The following LRBA variants were observed in gnomAD, a reference collection of about 807,000 sequenced individuals.
LRBA encodes the protein LPS responsive beige-like anchor protein.
Under a neutral mutation model 330.0 loss-of-function variants are expected in LRBA, and 176 were observed. The ratio of observed to expected loss-of-function variants is 0.53; its 90% CI spans 0.47 to 0.60. The LOEUF (loss-of-function observed/expected upper bound fraction) is 0.60, where lower values mean the gene tolerates loss of function less well. LRBA is among the 20% of genes least tolerant of loss of function. The pLI, the probability that LRBA is intolerant of heterozygous loss-of-function variation, is 0.00. For missense variants in LRBA, 3,259 were observed against 3,444.8 expected (o/e 0.95, Z 1.35); for synonymous variants, 1,230 against 1,193.0 (o/e 1.03, Z -0.64).
chr4:150,346,849 A>T (rs1736429587), intron 48 of LRBA, among the ~76,000 whole-genome samples: 1 of 151,884 alleles, frequency 6.6e-6, no homozygotes. Context: ...TAATCCAGAA[A>T]TTCCATTTCT....
intron 2 of LRBA, among the ~76,000 whole-genome samples, chr4:150,991,830 G>A (rs1742121366): frequency 6.6e-6 from 1 of 152,152 alleles, no homozygotes. Context: ...TGACTTTTAA[G>A]ATGACAAAGA....
Position 150,863,076 on chromosome 4 carries a change from C to T in LRBA, c.2766+4595G>A, listed in dbSNP as rs562719935. Among the ~76,000 whole-genome samples the T allele has an allele frequency of 9.9e-5, 15 of 152,098 alleles. 1 individual carries two copies. The South Asian group carries it at 3.1e-3, about 32-fold the overall frequency. Reference sequence around the variant, plus strand: ...ACTTTCAGAGGCCCAGGCGGGGGGCCACTTGAGTCCAGGAGTTGAAGACCA... The same window carrying T: ...ACTTTCAGAGGCCCAGGCGGGGGGCTACTTGAGTCCAGGAGTTGAAGACCA... On this transcript the variant is annotated intron_variant, in intron 22 of 56. Coordinates refer to ENST00000651943, the MANE Select transcript of LRBA (RefSeq NM_001364905.1).
rs781042346 is a variant in LRBA at position 150,831,834 on chromosome 4, T to C, written c.4712A>G (p.Glu1571Gly). Residue 1571 changes from glutamate (E) to glycine (G), a missense_variant, in exon 29 of 57, where the codon GAG becomes GGG. By Grantham distance (98) the Glu-to-Gly change is moderately conservative. Coordinates refer to ENST00000651943, the MANE Select transcript of LRBA (RefSeq NM_001364905.1). ...QSCTETGSEN[E>G]NVSLSEITPA... ...AAACTTACCAGAGAGTGATACATTC[T>C]CATTTTCACTGCCAGTTTCTGTACA... The C allele has an allele frequency of 1.3e-6, 2 of 1,597,798 alleles. No individual in the cohort carries two copies. The highest frequency in any genetic ancestry group is 2.3e-5 in the South Asian group (2 of 86,840).
At chr4:150,622,659 G>A (rs996755823) in intron 37 of LRBA, among the ~76,000 whole-genome samples, 1 of 151,078 alleles carries the variant, frequency 6.6e-6, no homozygotes, top group Non-Finnish European at 1.5e-5. Flanking sequence ...TGGAAACGGT[G>A]GGTGAAGACA....
chr4:150,457,980 TG>T (rs1754298842), intron 44 of LRBA, among the ~76,000 whole-genome samples: 1 of 152,012 alleles, frequency 6.6e-6, no homozygotes. Flanking sequence ...TGCTGGTATA[TG>T]TCAGGATTAT....
chr4:150,760,941 G>T (rs1019781897), intron 35 of LRBA, among the ~76,000 whole-genome samples: 1 of 152,144 alleles, frequency 6.6e-6, no homozygotes, highest in African/African-American at 2.4e-5. Context: ...GAGAGATAGA[G>T]AGCAAACCTT....
chr4:150,423,642 T>C, intron 46 of LRBA: 1 of 279,032 alleles, frequency 3.6e-6, no homozygotes, highest in South Asian at 4.1e-5. Context: ...CCTTCTGGCA[T>C]CCCAGCTCCG....
Position 150,906,363 on chromosome 4 carries a change from T to A in LRBA, c.1536A>T (p.Ser512=). 6.2e-7 allele frequency: 1 copy of A among 1,612,554 alleles called. No homozygotes were observed. The highest frequency in any genetic ancestry group is 8.5e-7 in the Non-Finnish European group (1 of 1,178,860). The change falls in exon 12 of 57, where the codon TCA becomes TCT. Residue 512 remains serine, a synonymous_variant. Transcript: ENST00000651943. ...CAAGCATCTGTTCCTGCATAGCAAT[T>A]GAGTTCTTCAACAATTCCATGATAA... ...LAFIMELLKN[S]IAMQEQMLAC...
At chr4:150,526,433 G>A (rs1429600716) in intron 40 of LRBA, among the ~76,000 whole-genome samples, 1 of 152,226 alleles carries the variant, frequency 6.6e-6, no homozygotes, top group Non-Finnish European at 1.5e-5. Flanking sequence ...TGCAGTTACA[G>A]ATTGTAAAAA....
rs146801600 is a variant in LRBA at position 150,947,668 on chromosome 4, G to A, written c.217-18603C>T. ...CACTACTTTTATTCAAATTAGTGCT[G>A]AAAGTTCCAGCCATGGCAATTCAGC... On this transcript the variant is annotated intron_variant, in intron 2 of 56. Coordinates refer to ENST00000651943, the MANE Select transcript of LRBA (RefSeq NM_001364905.1). Among the ~76,000 whole-genome samples the A allele has an allele frequency of 5.8e-4, 88 of 152,164 alleles. 1 individual carries two copies. The East Asian group carries it at 0.013, about 22-fold the overall frequency.
intron 2 of LRBA, among the ~76,000 whole-genome samples, chr4:151,010,157 G>C (rs1476488650): frequency 2.0e-5 from 3 of 151,904 alleles, no homozygotes; most frequent in Admixed American, 2.0e-4. Flanking sequence ...ACATATCAAG[G>C]GGTGACTGTA....
chr4:150,806,453 A>AC, intron 32 of LRBA, 49 bp from the exon 33 acceptor site: 1 of 1,303,382 alleles, frequency 7.7e-7, no homozygotes, highest in Non-Finnish European at 1.0e-6. Flanking sequence ...GATTGTATCA[A>AC]TTTTCTAGTT....
intron 2 of LRBA, among the ~76,000 whole-genome samples, chr4:150,953,385 CCT>C (rs1208058507): frequency 2.7e-5 from 4 of 148,150 alleles, no homozygotes; most frequent in Non-Finnish European, 4.5e-5. Context: ...CCCTCCCCCC[CCT>C]CTTTGCACGG....
intron 17 of LRBA, among the ~76,000 whole-genome samples, chr4:150,873,274 A>T (rs1753638943): frequency 6.6e-6 from 1 of 152,342 alleles, no homozygotes; most frequent in East Asian, 1.9e-4. Context: ...AAAATTATAT[A>T]GTAATCTAAT....
intron 28 of LRBA, among the ~76,000 whole-genome samples, chr4:150,837,095 T>C (rs1748227946): frequency 6.6e-6 from 1 of 152,218 alleles, no homozygotes; most frequent in African/African-American, 2.4e-5. Flanking sequence ...TTCCATGTAG[T>C]TGAGTGGTTT....
At chr4:150,670,899 G>A (rs1033919304) in intron 37 of LRBA, among the ~76,000 whole-genome samples, 4 of 151,732 alleles carry the variant, frequency 2.6e-5, no homozygotes, top group Non-Finnish European at 5.9e-5. Context: ...ACATATAAAG[G>A]AATTTTAGAT....
At chr4:150,323,561 C>G (rs1179964704) in intron 49 of LRBA, among the ~76,000 whole-genome samples, 2 of 152,222 alleles carry the variant, frequency 1.3e-5, no homozygotes, top group East Asian at 3.9e-4. Flanking sequence ...CAAGGACCAG[C>G]CACCTTCCAC....
At position 150,265,702 on chromosome 4, in the gene LRBA, T is replaced by G. The variant is rs1745211493; in HGVS notation, c.*20A>C. ...ACTTCTGCTCATCCTAGGGGCAGAG[T>G]TGATGTACAGCTGTCACCATCAGTA... is the stretch of plus-strand genomic sequence containing the variant. On this transcript the variant is annotated 3_prime_UTR_variant, in exon 57 of 57. Transcript: ENST00000651943. 1 of 1,522,210 alleles carries G rather than the reference T, an allele frequency of 6.6e-7. No individual in the cohort carries two copies. Among genetic ancestry groups the G allele is most frequent in the Non-Finnish European group, 9.1e-7 (1 of 1,096,324 alleles). The allele number at this position is 1,522,210 out of a possible 1,614,324, so 94.3% of individuals were successfully genotyped here. A position where few individuals can be genotyped will look rare whatever the true frequency, so the allele number is the denominator to read the frequency against.
chr4:150,745,210 G>C (rs1212436726), intron 35 of LRBA, among the ~76,000 whole-genome samples: 3 of 152,174 alleles, frequency 2.0e-5, no homozygotes, highest in Non-Finnish European at 4.4e-5. Flanking sequence ...ATCCAGCTAA[G>C]CTGAGTCTAG....
Sources: allele counts gnomAD v4.1 joint callset (sites outside exome capture counted in the v4.1 genomes callset), GRCh38; gene constraint gnomAD v4.1.1; transcripts MANE v1.5; gene names NCBI Gene and HGNC (gene_info 2026-07-23, HGNC 2026-07-21).